Variants in CLIC5 observed in about 807,000 individuals in gnomAD.
CLIC5 encodes CLIC family member 5, also known as chloride intracellular channel protein 5.
In CLIC5, 20 loss-of-function variants were observed where a neutral mutation model predicts 24.7. The observed-to-expected ratio is 0.81, with a 90% confidence interval of 0.57 to 1.18. CLIC5 has a LOEUF of 1.18. Ranked by LOEUF, CLIC5 falls within the 50% of genes most tolerant of loss-of-function variation. The pLI, the probability that CLIC5 is intolerant of heterozygous loss-of-function variation, is 0.00. For synonymous variants in CLIC5, 159 were observed against 135.6 expected (o/e 1.17, Z -1.20); for missense variants, 341 against 326.1 (o/e 1.05, Z -0.35).
At position 45,902,935 on chromosome 6, in the gene CLIC5, G is replaced by T; in HGVS notation, c.*153C>A. 1.3e-6 allele frequency: 1 copy of T among 768,706 alleles called. No individual in the cohort carries two copies. The highest frequency in any genetic ancestry group is 2.1e-6 in the Non-Finnish European group (1 of 470,334). The allele number at this position is 768,706 out of a possible 1,614,324, so 47.6% of individuals were successfully genotyped here. A position where few individuals can be genotyped will look rare whatever the true frequency, so the allele number is the denominator to read the frequency against. On this transcript the variant is annotated 3_prime_UTR_variant, in exon 6 of 6. Transcript: ENST00000339561. Reference sequence around the variant, plus strand: ...AGGGATGGTGCTGACCTTCATGAAAGATAGCAGGCTGGAGTTCCCATGATA... The same window carrying T: ...AGGGATGGTGCTGACCTTCATGAAATATAGCAGGCTGGAGTTCCCATGATA...
At chr6:45,910,323 T>C (rs116133904) in intron 5 of CLIC5, among the ~76,000 whole-genome samples, 412 of 152,180 alleles carry the variant, frequency 2.7e-3, no homozygotes, top group African/African-American at 9.2e-3. Flanking sequence ...AATAATCCTA[T>C]AAGGAAGAAT....
chr6:45,896,335 C>A (rs1416076534), downstream of CLIC5, among the ~76,000 whole-genome samples: 1 of 152,150 alleles, frequency 6.6e-6, no homozygotes, highest in African/African-American at 2.4e-5. Context: ...TTAAAATAAC[C>A]CTTTATTGCC....
At chr6:46,088,785 ATCTT>A in the CLIC5 span, among the ~76,000 whole-genome samples, 8 of 152,220 alleles carry the variant, frequency 5.3e-5, no homozygotes, top group African/African-American at 1.4e-4. Context: ...ATTCAAAGAT[ATCTT>A]TCTTTATTTT....
downstream of CLIC5, among the ~76,000 whole-genome samples, chr6:45,898,161 C>A (rs1762423124): frequency 6.6e-6 from 1 of 152,140 alleles, no homozygotes; most frequent in African/African-American, 2.4e-5. Flanking sequence ...CAGCCTCCAC[C>A]TCCCAGGTTC....
At chr6:46,081,038 T>C (rs1317256724), upstream of CLIC5, among the ~76,000 whole-genome samples, 1 of 152,210 alleles carries the variant, frequency 6.6e-6, no homozygotes, top group African/African-American at 2.4e-5. Flanking sequence ...ACAAAAGCGT[T>C]AGAAGACACA....
chr6:45,953,595 G>A (rs1385676815), intron 2 of CLIC5, among the ~76,000 whole-genome samples: 3 of 152,194 alleles, frequency 2.0e-5, no homozygotes, highest in Admixed American at 6.5e-5. Context: ...TGTTGGGAAA[G>A]AGTGTTGGGA....
chr6:45,882,748 A>G (rs866874177), intron 6 of CLIC5, among the ~76,000 whole-genome samples: 2 of 152,238 alleles, frequency 1.3e-5, no homozygotes, highest in African/African-American at 4.8e-5. Context: ...AATTAATGGT[A>G]TATCTGTTCT....
intron 1 of CLIC5, among the ~76,000 whole-genome samples, chr6:45,979,546 T>G (rs1304095236): frequency 6.6e-6 from 1 of 152,348 alleles, no homozygotes. Flanking sequence ...TGAATCACAT[T>G]GGGCTGACAA....
At chr6:46,055,410 G>A (rs947327373) in intron 1 of CLIC5, among the ~76,000 whole-genome samples, 1 of 151,784 alleles carries the variant, frequency 6.6e-6, no homozygotes, top group Non-Finnish European at 1.5e-5. Context: ...GCTAATTTTT[G>A]TACTTTTAGT....
chr6:45,941,685 A>C (rs1485640483), intron 3 of CLIC5, 32 bp from the exon 4 acceptor site: 4 of 1,523,912 alleles, frequency 2.6e-6, no homozygotes, highest in Non-Finnish European at 3.6e-6. Context: ...TCTGTGAATC[A>C]GTAGACTTGG....
At chr6:45,937,400 A>G (rs1458515443) in intron 4 of CLIC5, 1 of 152,258 alleles carries the variant, frequency 6.6e-6, no homozygotes, top group Non-Finnish European at 1.5e-5. Flanking sequence ...GATATTATTA[A>G]TTACCTTATT....
chr6:45,916,929 G>A (rs1763054674), intron 4 of CLIC5, among the ~76,000 whole-genome samples: 1 of 152,168 alleles, frequency 6.6e-6, no homozygotes. Context: ...AGCCGTGGTA[G>A]AGGAAGAGGA....
In CLIC5 at chr6:46,054,790, G is replaced by A. The variant is rs550206153; in HGVS notation, c.540+24913C>T. Among the ~76,000 whole-genome samples, 38 of 152,328 alleles carry A rather than the reference G, an allele frequency of 2.5e-4. No individual in the cohort carries two copies. In the East Asian group the frequency reaches 6.0e-3, roughly 24 times the overall value. ...GACGGTGGCTGTCTGCAAGCCAGGAGGAAAGTCTTCACCAGAAACTGATCA... is the reference window on the plus strand; with the variant it reads ...GACGGTGGCTGTCTGCAAGCCAGGAAGAAAGTCTTCACCAGAAACTGATCA... On this transcript the variant is annotated intron_variant, in intron 1 of 5. Coordinates refer to the CLIC5 transcript ENST00000185206.
intron 4 of CLIC5, among the ~76,000 whole-genome samples, chr6:45,939,348 G>A (rs1007851899): frequency 2.6e-5 from 4 of 151,554 alleles, no homozygotes; most frequent in African/African-American, 9.7e-5. Context: ...CAAGAAGCTG[G>A]GACTACAGGC....
chr6:46,096,968 G>T, the CLIC5 span: 6 of 152,332 alleles, frequency 3.9e-5, no homozygotes, highest in Non-Finnish European at 5.9e-5. Context: ...TTCCTAGGGG[G>T]ATGGGATATT....
the CLIC5 span, among the ~76,000 whole-genome samples, chr6:46,119,501 C>T: frequency 6.6e-6 from 1 of 152,224 alleles, no homozygotes; most frequent in Non-Finnish European, 1.5e-5. Context: ...CAGCTCCCAG[C>T]GTGAGCGACG....
chr6:46,055,899 A>C (rs535386753), intron 1 of CLIC5, among the ~76,000 whole-genome samples: 1 of 152,304 alleles, frequency 6.6e-6, no homozygotes, highest in African/African-American at 2.4e-5. Context: ...CAGAGACAGA[A>C]AGTAAAGTGG....
At chr6:46,108,368 TTGTG>T in the CLIC5 span, among the ~76,000 whole-genome samples, 194 of 142,466 alleles carry the variant, frequency 1.4e-3, 1 homozygote, top group African/African-American at 2.3e-3. Flanking sequence ...TATCGGGTCT[TTGTG>T]TGTGTGTGTG....
At chr6:45,954,145 G>A (rs919938655) in intron 2 of CLIC5, among the ~76,000 whole-genome samples, 3 of 151,722 alleles carry the variant, frequency 2.0e-5, no homozygotes, top group African/African-American at 4.8e-5. Flanking sequence ...ATGGTGGCAT[G>A]TTTCTGTAAT....
Sources: allele counts gnomAD v4.1 joint callset (sites outside exome capture counted in the v4.1 genomes callset), GRCh38; gene constraint gnomAD v4.1.1; transcripts MANE v1.5; gene names NCBI Gene and HGNC (gene_info 2026-07-23, HGNC 2026-07-21).